The following BCCIP variants were observed in gnomAD, a reference collection of about 807,000 sequenced individuals.
The protein encoded by BCCIP is BRCA2 and CDKN1A interacting protein, also known as BRCA2 and CDKN1A-interacting protein.
BCCIP carries 23 observed loss-of-function variants against 32.8 expected under a neutral mutation model. The ratio of observed to expected loss-of-function variants is 0.70; its 90% confidence interval spans 0.51 to 0.99. BCCIP has a LOEUF of 0.99. Among genes scored for constraint, BCCIP ranks in the 50% least tolerant of loss-of-function variants. The pLI is 0.00. For missense variants in BCCIP, 378 were observed against 379.8 expected (o/e 1.00, Z 0.04); for synonymous variants, 144 against 137.6 (o/e 1.05, Z -0.33).
intron 3 of BCCIP, among the ~76,000 whole-genome samples, chr10:125,828,565 G>A (rs1392901650): frequency 1.3e-5 from 2 of 152,184 alleles, no homozygotes; most frequent in Non-Finnish European, 2.9e-5. Context: ...GATAACATTT[G>A]AAGGAGGAGG....
chr10:125,838,201 C>A, downstream of BCCIP: 1 of 1,572,926 alleles, frequency 6.4e-7, no homozygotes. Context: ...CTCCATTAAA[C>A]TTACAGTTCA....
At chr10:125,841,942 A>AG in exon 7 of BCCIP, 1 of 1,578,458 alleles carries the variant, frequency 6.3e-7, no homozygotes, top group South Asian at 1.2e-5. Flanking sequence ...GTGCTAGGAA[A>AG]GGAAAAAAAT....
intron 4 of BCCIP, among the ~76,000 whole-genome samples, chr10:125,830,923 C>T (rs1854508307): frequency 6.6e-6 from 1 of 152,192 alleles, no homozygotes; most frequent in East Asian, 1.9e-4. Flanking sequence ...TGTGCTGTCT[C>T]TCTGCAGCTG....
At chr10:125,839,013 A>G, downstream of BCCIP, 1 of 1,613,948 alleles carries the variant, frequency 6.2e-7, no homozygotes, top group South Asian at 1.1e-5. Flanking sequence ...GCATAAAGTA[A>G]CCGGACAGAA....
intron 7 of BCCIP, among the ~76,000 whole-genome samples, chr10:125,850,419 G>A (rs560190131): frequency 8.8e-5 from 13 of 147,440 alleles, no homozygotes; most frequent in Middle Eastern, 3.4e-3. Flanking sequence ...GTGCAATGGC[G>A]CAATCTTGGT....
At chr10:125,843,196 C>G (rs1371080404), downstream of BCCIP, among the ~76,000 whole-genome samples, 1 of 152,024 alleles carries the variant, frequency 6.6e-6, no homozygotes, top group African/African-American at 2.4e-5. Context: ...CCAGTAAGTG[C>G]AAGGTGGGCA....
chr10:125,843,123 G>T (rs1854926459), downstream of BCCIP, among the ~76,000 whole-genome samples: 1 of 152,040 alleles, frequency 6.6e-6, no homozygotes, highest in Non-Finnish European at 1.5e-5. Flanking sequence ...ATAGAAAGCT[G>T]CTGTATTGTT....
intron 5 of BCCIP, among the ~76,000 whole-genome samples, chr10:125,832,774 C>T (rs953923733): frequency 4.0e-5 from 6 of 151,516 alleles, no homozygotes; most frequent in African/African-American, 7.3e-5. Flanking sequence ...CACTGCACGC[C>T]AGCCTGGGCA....
chr10:125,831,323 C>A, intron 4 of BCCIP, 97 bp from the exon 5 acceptor site: 1 of 1,253,332 alleles, frequency 8.0e-7, no homozygotes, highest in Non-Finnish European at 1.1e-6. Flanking sequence ...GGAAACTGCC[C>A]TTAGCTGTAA....
chr10:125,830,833 G>C (rs951422593), intron 4 of BCCIP, among the ~76,000 whole-genome samples, 182 bp downstream of exon 4: 5 of 152,192 alleles, frequency 3.3e-5, no homozygotes, highest in African/African-American at 1.2e-4. Context: ...TCTGTACCCA[G>C]TTAAAGTTGT....
chr10:125,823,552 G>C lies in BCCIP; in HGVS notation c.-6G>C. 6.2e-7 allele frequency: 1 copy of C among 1,613,240 alleles called. No individual in the cohort carries two copies. The highest frequency in any genetic ancestry group is 8.5e-7 in the Non-Finnish European group (1 of 1,179,784). ...GAAGCTGCGCAGGCGCAGTGTGAGC[G>C]GCAACATGGCGTCCAGGTCTAAGCG... On this transcript the variant is annotated 5_prime_UTR_variant, in exon 1 of 7. Transcript: ENST00000278100.
Position 125,852,553 on chromosome 10 carries a change from T to C in BCCIP, c.851-572T>C, listed in dbSNP as rs2134044917. The C allele has an allele frequency of 8.1e-6, 13 of 1,613,594 alleles. No homozygotes were observed. Among genetic ancestry groups the C allele is most frequent in the Non-Finnish European group, 1.1e-5 (13 of 1,179,802 alleles). ...TGTCCACAGCACTACCTGAAGAAGA[T>C]GAGCCAAGAATCTGCTTGCGTATCT... On this transcript the variant is annotated intron_variant, in intron 7 of 7. Coordinates refer to the BCCIP transcript ENST00000368759.
chr10:125,830,422 C>T (rs1258974718), intron 3 of BCCIP, 140 bp from the exon 4 acceptor site: 12 of 489,298 alleles, frequency 2.5e-5, no homozygotes, highest in Non-Finnish European at 3.5e-5. Flanking sequence ...AAATACAATG[C>T]TTTCTAAGAT....
At chr10:125,834,621 G>A (rs1854606927) in intron 6 of BCCIP, among the ~76,000 whole-genome samples, 1 of 151,666 alleles carries the variant, frequency 6.6e-6, no homozygotes, top group Non-Finnish European at 1.5e-5. Flanking sequence ...TGGCCAACAG[G>A]GAGAAACCCC....
chr10:125,841,146 C>A, downstream of BCCIP: 1 of 1,389,326 alleles, frequency 7.2e-7, no homozygotes, highest in Non-Finnish European at 9.8e-7. Context: ...CTTAGAAATC[C>A]CAGAAATTTA....
downstream of BCCIP, among the ~76,000 whole-genome samples, chr10:125,846,543 G>C (rs182973541): frequency 6.6e-6 from 1 of 152,276 alleles, no homozygotes; most frequent in East Asian, 1.9e-4. Context: ...ACACATCTGG[G>C]ACAGCCTCAC....
chr10:125,829,707 C>T (rs1413736306), intron 3 of BCCIP, among the ~76,000 whole-genome samples: 1 of 152,220 alleles, frequency 6.6e-6, no homozygotes, highest in Non-Finnish European at 1.5e-5. Flanking sequence ...TGGGAAAAAG[C>T]AGACCACCTG....
chr10:125,834,829 C>CAAACAAAA (rs5788715), intron 6 of BCCIP, among the ~76,000 whole-genome samples: 1 of 149,102 alleles, frequency 6.7e-6, no homozygotes, highest in Non-Finnish European at 1.5e-5. Context: ...AACAAACAAA[C>CAAACAAAA]AAAAAACACA....
intron 1 of BCCIP, among the ~76,000 whole-genome samples, chr10:125,825,286 A>G (rs921108056): frequency 3.9e-5 from 5 of 126,768 alleles, no homozygotes; most frequent in Non-Finnish European, 7.1e-5. Flanking sequence ...TTTGCCGCCC[A>G]TTTCCCTGGT....
Sources: gnomAD v4.1 joint callset for allele counts (sites outside exome capture counted in the v4.1 genomes callset) on GRCh38, gnomAD v4.1.1 for gene constraint, MANE v1.5 for transcripts, NCBI Gene and HGNC (gene_info 2026-07-23, HGNC 2026-07-21) for gene names.